The following HMGN5 variants were observed in gnomAD, a reference collection of about 807,000 sequenced individuals.
HMGN5 encodes high mobility group nucleosome-binding domain-containing protein 5.
Under a neutral mutation model 9.5 loss-of-function variants are expected in HMGN5, and 4 were observed. The observed-to-expected ratio is 0.42, with a 90% CI of 0.21 to 0.96. The LOEUF (loss-of-function observed/expected upper bound fraction) is 0.96. Among genes scored for constraint, HMGN5 ranks in the 40% least tolerant of loss-of-function variants. The pLI is 0.30. For missense variants in HMGN5, 192 were observed against 187.5 expected (o/e 1.02, Z -0.14); for synonymous variants, 55 against 57.1 (o/e 0.96, Z 0.16).
intron 1 of HMGN5, among the ~76,000 whole-genome samples, chrX:81,183,377 C>T (rs1314108222): frequency 8.9e-6 from 1 of 112,626 alleles, no homozygotes; most frequent in Admixed American, 9.3e-5. Flanking sequence ...GAATCATTTC[C>T]TGAGCCAGAC....
intron 1 of HMGN5, among the ~76,000 whole-genome samples, chrX:81,156,088 T>C: frequency 8.9e-6 from 1 of 111,833 alleles, no homozygotes; most frequent in Non-Finnish European, 1.9e-5. Flanking sequence ...AACAAAAATT[T>C]CAATTAAAAA....
chrX:81,158,001 C>T (rs1478624886), intron 1 of HMGN5, among the ~76,000 whole-genome samples: 1 of 110,509 alleles, frequency 9.0e-6, no homozygotes, highest in Admixed American at 9.7e-5. Context: ...AGGATGGTCT[C>T]GATCTCCTGA....
intron 1 of HMGN5, chrX:81,195,025 T>C (rs766853389): frequency 9.0e-6 from 1 of 111,224 alleles, no homozygotes; most frequent in East Asian, 2.8e-4. Context: ...GGGGGGAAGA[T>C]AGAGAGCGTA....
At chrX:81,140,326 C>G (rs946714282) in intron 1 of HMGN5, among the ~76,000 whole-genome samples, 3 of 110,501 alleles carry the variant, frequency 2.7e-5, no homozygotes, top group Admixed American at 9.6e-5. Context: ...TTTGGGAGGC[C>G]GAGGCGGGCG....
intron 1 of HMGN5, among the ~76,000 whole-genome samples, chrX:81,158,078 C>G (rs1656557782): frequency 9.0e-6 from 1 of 111,403 alleles, no homozygotes; most frequent in African/African-American, 3.3e-5. Context: ...CCAGGCCCAG[C>G]CAAGTAAAAT....
At chrX:81,171,347 C>T (rs1006362711) in intron 1 of HMGN5, among the ~76,000 whole-genome samples, 3 of 111,292 alleles carry the variant, frequency 2.7e-5, no homozygotes, top group African/African-American at 6.5e-5. Context: ...ACTATATAAA[C>T]TTTTGATTTT....
chrX:81,195,897 G>A (rs771625922), intron 1 of HMGN5, among the ~76,000 whole-genome samples: 1 of 111,626 alleles, frequency 9.0e-6, no homozygotes, highest in East Asian at 2.9e-4. Flanking sequence ...CTATAGCTGA[G>A]TGGCGCCCTC....
chrX:81,159,353 C>CA (rs1383343434), intron 1 of HMGN5, among the ~76,000 whole-genome samples: 2 of 111,339 alleles, frequency 1.8e-5, no homozygotes, highest in Non-Finnish European at 3.8e-5. Context: ...ACCTATGTAA[C>CA]AAACCTGCAC....
chrX:81,115,279 AC>A (rs2075250110), intron 6 of HMGN5, 49 bp from the exon 7 acceptor site: 1 of 1,085,088 alleles, frequency 9.2e-7, no homozygotes, highest in Non-Finnish European at 1.2e-6. Flanking sequence ...TAAATTTAGA[AC>A]CATTTCCCCT....
intron 1 of HMGN5, among the ~76,000 whole-genome samples, chrX:81,156,001 C>A (rs968925113): frequency 9.0e-6 from 1 of 111,367 alleles, no homozygotes; most frequent in Non-Finnish European, 1.9e-5. Context: ...AAGTCATTAC[C>A]ACTGGGGGAA....
chrX:81,123,278 A>G (rs997171032), intron 1 of HMGN5, among the ~76,000 whole-genome samples: 1 of 110,856 alleles, frequency 9.0e-6, no homozygotes, highest in Non-Finnish European at 1.9e-5. Flanking sequence ...ATGGAATTAC[A>G]TAGATCAGGT....
chrX:81,198,008 G>T (rs1410488730), intron 1 of HMGN5, among the ~76,000 whole-genome samples: 1 of 111,111 alleles, frequency 9.0e-6, no homozygotes, highest in African/African-American at 3.3e-5. Flanking sequence ...GGCAGAAAAG[G>T]TTATGAGAAT....
chrX:81,117,128 G>T (rs1386106331), intron 5 of HMGN5, among the ~76,000 whole-genome samples: 1 of 111,291 alleles, frequency 9.0e-6, no homozygotes, highest in South Asian at 3.7e-4. Flanking sequence ...TTTAGAAACT[G>T]TAATTTGTAA....
intron 1 of HMGN5, among the ~76,000 whole-genome samples, chrX:81,184,725 C>G (rs191115234): frequency 1.3e-4 from 14 of 111,123 alleles, no homozygotes; most frequent in African/African-American, 4.2e-4. Flanking sequence ...GGAGAGTTTC[C>G]CCAATGTTTT....
intron 1 of HMGN5, among the ~76,000 whole-genome samples, chrX:81,193,131 T>C (rs2075498604): frequency 1.8e-5 from 2 of 111,590 alleles, no homozygotes; most frequent in African/African-American, 6.5e-5. Context: ...GTGTTGTTTT[T>C]CTTGTTTCTG....
chrX:81,180,838 G>C (rs2075460734), intron 1 of HMGN5, among the ~76,000 whole-genome samples: 1 of 111,780 alleles, frequency 8.9e-6, no homozygotes, highest in Admixed American at 9.5e-5. Context: ...AAGAAAATGT[G>C]GCACATGTAC....
chrX:81,177,790 C>T (rs925760462), intron 1 of HMGN5, among the ~76,000 whole-genome samples: 8 of 111,555 alleles, frequency 7.2e-5, no homozygotes, highest in African/African-American at 2.6e-4. Flanking sequence ...CACACTTATT[C>T]CAAAATTGAC....
intron 1 of HMGN5, among the ~76,000 whole-genome samples, chrX:81,133,030 A>C (rs1355022550): frequency 8.9e-6 from 1 of 111,858 alleles, no homozygotes; most frequent in African/African-American, 3.3e-5. Flanking sequence ...AACACCATTA[A>C]AAAGTGGGCA....
chrX:81,136,208 A>G (rs1031883878), intron 1 of HMGN5, among the ~76,000 whole-genome samples: 4 of 111,856 alleles, frequency 3.6e-5, no homozygotes, highest in Non-Finnish European at 7.5e-5. Context: ...TATACTAAAA[A>G]CATCGAATTT....
Sources: allele counts gnomAD v4.1 joint callset (sites outside exome capture counted in the v4.1 genomes callset), GRCh38; gene constraint gnomAD v4.1.1; transcripts MANE v1.5; gene names NCBI Gene and HGNC (gene_info 2026-07-23, HGNC 2026-07-21).